RBFOX1: variants seen among roughly 807,000 people sequenced by gnomAD.
RBFOX1 encodes RNA binding protein fox-1 homolog 1.
RBFOX1 carries 8 observed loss-of-function variants against 57.7 expected under a neutral mutation model. The observed-to-expected ratio is 0.14, with a 90% CI of 0.08 to 0.25. The LOEUF (loss-of-function observed/expected upper bound fraction) is 0.25, where lower values mean the gene tolerates loss of function less well. Among genes scored for constraint, RBFOX1 ranks in the 10% least tolerant of loss-of-function variants. The pLI, the probability that RBFOX1 is intolerant of heterozygous loss-of-function variation, is 1.00. For missense variants in RBFOX1, 611 were observed against 548.5 expected, an observed-to-expected ratio of 1.11 and a Z score of -1.14; for synonymous variants, 326 against 222.4, an observed-to-expected ratio of 1.47 and a Z score of -4.15.
chr16:7,177,922 C>G (rs1228133282), intron 4 of RBFOX1, among the ~76,000 whole-genome samples: 2 of 152,098 alleles, frequency 1.3e-5, no homozygotes, highest in East Asian at 1.9e-4. Context: ...GTAGTTTTTC[C>G]TTTTGTAGGT....
intron 3 of RBFOX1, among the ~76,000 whole-genome samples, chr16:6,677,948 C>G (rs570310209): frequency 6.6e-6 from 1 of 152,228 alleles, no homozygotes; most frequent in Non-Finnish European, 1.5e-5. Flanking sequence ...GAACATCTAA[C>G]CTAGTACCGC....
At chr16:6,018,129 C>T (rs778818503), upstream of RBFOX1, among the ~76,000 whole-genome samples, 1 of 148,338 alleles carries the variant, frequency 6.7e-6, no homozygotes, top group African/African-American at 2.5e-5. Context: ...TACAACAAAA[C>T]CCCCTGGAAT....
intron 4 of RBFOX1, among the ~76,000 whole-genome samples, chr16:7,162,744 A>G (rs1004572957): frequency 1.3e-5 from 2 of 152,030 alleles, no homozygotes; most frequent in Non-Finnish European, 2.9e-5. Flanking sequence ...AAAATAATCC[A>G]GATTTCATGA....
chr16:5,415,196 A>T (rs540006661), intron 1 of RBFOX1, among the ~76,000 whole-genome samples: 3 of 152,164 alleles, frequency 2.0e-5, no homozygotes, highest in African/African-American at 7.2e-5. Flanking sequence ...TTGCAGTTCT[A>T]TGTGGCTGGG....
At chr16:6,209,366 C>T (rs979447026) in intron 1 of RBFOX1, among the ~76,000 whole-genome samples, 1 of 150,258 alleles carries the variant, frequency 6.7e-6, no homozygotes, top group Non-Finnish European at 1.5e-5. Flanking sequence ...GATCCCTGCC[C>T]ACCTTCAGAG....
chr16:6,506,624 A>ATTT lies in RBFOX1; in HGVS notation c.-63-147940_-63-147938dup, dbSNP rs71145238. On this transcript the variant is annotated intron_variant, in intron 2 of 15. Transcript: ENST00000550418. ...ACGGTAATAACAATCACAGTAGCTA[A>ATTT]TTTTTTTTTTTTTTTTTTTTTTTTT... Among the ~76,000 whole-genome samples, 36 of 98,454 alleles carry ATTT rather than the reference A, an allele frequency of 3.7e-4. 1 individual carries two copies. Among genetic ancestry groups the ATTT allele is most frequent in the East Asian group, 1.4e-3 (4 of 2,802 alleles). 64.6% of individuals were successfully genotyped at this position (98,454 alleles called of 152,430 possible). A position where few individuals can be genotyped will look rare whatever the true frequency, so the allele number is the denominator to read the frequency against.
rs551524512 is a variant in RBFOX1 at position 6,500,363 on chromosome 16, C to G, written c.-63-154240C>G. Among the ~76,000 whole-genome samples the G allele has an allele frequency of 2.2e-3, 338 of 152,266 alleles. 2 individuals carry two copies. The highest frequency in any genetic ancestry group is 7.7e-3 in the African/African-American group (321 of 41,556). On this transcript the variant is annotated intron_variant, in intron 2 of 15. Coordinates refer to ENST00000550418, the MANE Select transcript of RBFOX1 (RefSeq NM_018723.4). ...ATGGATGCACGTGTGCACATACACACACACACACTCAGAGCTTCTCACTAG... is the reference window on the plus strand; with the variant it reads ...ATGGATGCACGTGTGCACATACACAGACACACACTCAGAGCTTCTCACTAG...
rs546063636 is a variant in RBFOX1 at position 7,032,204 on chromosome 16, C to T, written c.-15-19853C>T. ...CTTTGGGAGGCCAAGGCGGGCGGAT[C>T]GCTTGAGGTCAGGAGTTCGAGACCA... On this transcript the variant is annotated intron_variant, in intron 3 of 15. Transcript: ENST00000550418. Among the ~76,000 whole-genome samples the T allele has an allele frequency of 4.6e-4, 70 of 152,132 alleles. 1 individual carries two copies. The South Asian group carries it at 8.9e-3, about 19-fold the overall frequency.
At chr16:6,491,267 T>C (rs1174870556) in intron 2 of RBFOX1, among the ~76,000 whole-genome samples, 2 of 151,938 alleles carry the variant, frequency 1.3e-5, no homozygotes, top group Admixed American at 6.6e-5. Flanking sequence ...GGAAGTTGGA[T>C]TTAAAATAGC....
chr16:6,231,739 G>A (rs1280529479), intron 1 of RBFOX1, among the ~76,000 whole-genome samples: 1 of 151,722 alleles, frequency 6.6e-6, no homozygotes, highest in Non-Finnish European at 1.5e-5. Context: ...TGTGTATGCT[G>A]TATATGTGCC....
chr16:7,188,657 T>A (rs932215672), intron 4 of RBFOX1, among the ~76,000 whole-genome samples: 1 of 152,198 alleles, frequency 6.6e-6, no homozygotes, highest in Admixed American at 6.5e-5. Flanking sequence ...AGTATCATTA[T>A]CCTGAGTTGA....
intron 3 of RBFOX1, among the ~76,000 whole-genome samples, chr16:6,821,239 T>C (rs557576928): frequency 6.6e-6 from 1 of 152,318 alleles, no homozygotes; most frequent in South Asian, 2.1e-4. Context: ...CTGTTTTAAA[T>C]ATGGTGTCTC....
intron 4 of RBFOX1, among the ~76,000 whole-genome samples, chr16:5,869,789 TG>T: frequency 6.6e-6 from 1 of 152,310 alleles, no homozygotes; most frequent in African/African-American, 2.4e-5. Context: ...GGTGAAATAA[TG>T]TTTAAAAATC....
At chr16:7,304,032 A>G (rs1282734082) in intron 4 of RBFOX1, among the ~76,000 whole-genome samples, 1 of 151,912 alleles carries the variant, frequency 6.6e-6, no homozygotes, top group Non-Finnish European at 1.5e-5. Flanking sequence ...CAACCCAGAA[A>G]AGCCAGACGA....
chr16:6,635,169 A>G (rs1270098710), intron 2 of RBFOX1, among the ~76,000 whole-genome samples: 1 of 147,202 alleles, frequency 6.8e-6, no homozygotes, highest in Non-Finnish European at 1.5e-5. Flanking sequence ...ATAATATATT[A>G]CGAAAGTTTT....
At chr16:7,698,459 A>T (rs2079535422) in intron 14 of RBFOX1, among the ~76,000 whole-genome samples, 1 of 152,112 alleles carries the variant, frequency 6.6e-6, no homozygotes, top group Middle Eastern at 3.2e-3. Flanking sequence ...CCAAGTTACC[A>T]ATTAGAAGCA....
intron 4 of RBFOX1, among the ~76,000 whole-genome samples, chr16:5,944,259 T>A (rs958224938): frequency 2.6e-5 from 4 of 152,216 alleles, no homozygotes; most frequent in African/African-American, 9.6e-5. Flanking sequence ...CTGTGTAAGT[T>A]CAATCTTGGT....
chr16:7,570,114 A>C (rs943303359), intron 5 of RBFOX1, among the ~76,000 whole-genome samples: 7 of 152,278 alleles, frequency 4.6e-5, no homozygotes, highest in Admixed American at 4.6e-4. Flanking sequence ...AGCATGTTGA[A>C]ATAATATCCT....
chr16:5,816,847 C>G lies in RBFOX1; in HGVS notation c.319-50456C>G, dbSNP rs148537944. ...GATGCTATTCTGTCCTCTCTGTGTT[C>G]TTTGTATTATTTTATTTTTAATTTT... On this transcript the variant is annotated intron_variant, in intron 3 of 19. Coordinates refer to the RBFOX1 transcript ENST00000641259. 4.3e-3 allele frequency among the ~76,000 whole-genome samples: 650 copies of G among 152,160 alleles called. 4 individuals are homozygous for G. The highest frequency in any genetic ancestry group is 7.4e-3 in the Non-Finnish European group (504 of 68,000).
Sources: allele counts gnomAD v4.1 joint callset (sites outside exome capture counted in the v4.1 genomes callset), GRCh38; gene constraint gnomAD v4.1.1; transcripts MANE v1.5; gene names NCBI Gene and HGNC (gene_info 2026-07-23, HGNC 2026-07-21).